Variants in SSPN observed in about 807,000 individuals in gnomAD.
The protein encoded by SSPN is sarcospan.
A neutral mutation model predicts 19.1 loss-of-function variants in SSPN; 15 were observed. That is an observed-to-expected ratio of 0.78 (90% CI 0.52 to 1.21). SSPN has a LOEUF of 1.21. SSPN is among the 50% of genes most tolerant of loss of function. The probability of loss-of-function intolerance (pLI) is 0.00; values close to 1 mark genes in which losing one functional copy is unlikely to be tolerated. For missense variants in SSPN, 291 were observed against 314.0 expected (o/e 0.93, Z 0.55); for synonymous variants, 147 against 140.3 (o/e 1.05, Z -0.34).
chr12:26,127,944 C>T lies in SSPN; in HGVS notation c.-31+5792C>T, dbSNP rs191191564. On this transcript the variant is annotated intron_variant, in intron 1 of 2. Transcript: ENST00000538142. The stretch of plus-strand genomic sequence containing the variant: ...CCTTTAAGATTAGAGTACCAGACTG[C>T]ATTCAAAGAGCTTTTTATGTATTAA... Among the ~76,000 whole-genome samples, 9 of 152,338 alleles carry T rather than the reference C, an allele frequency of 5.9e-5. No homozygotes were observed. The East Asian group carries it at 1.7e-3, about 29-fold the overall frequency.
intron 1 of SSPN, among the ~76,000 whole-genome samples, chr12:26,201,068 A>C: frequency 8.3e-6 from 1 of 120,356 alleles, no homozygotes; most frequent in Admixed American, 8.6e-5. Flanking sequence ...ATTTGGAAAT[A>C]AAATGGAATA....
intron 2 of SSPN, among the ~76,000 whole-genome samples, chr12:26,230,197 C>T (rs1057490401): frequency 6.6e-6 from 1 of 152,180 alleles, no homozygotes; most frequent in African/African-American, 2.4e-5. Context: ...TACAGTTTGG[C>T]AATCACTACA....
chr12:26,130,347 C>A (rs1476118008), intron 1 of SSPN, among the ~76,000 whole-genome samples: 2 of 152,152 alleles, frequency 1.3e-5, no homozygotes, highest in East Asian at 3.8e-4. Context: ...GGGCTTCATA[C>A]GGTCCTTACA....
At chr12:26,164,021 CA>C (rs1944605639) in intron 1 of SSPN, among the ~76,000 whole-genome samples, 1 of 152,140 alleles carries the variant, frequency 6.6e-6, no homozygotes, top group Non-Finnish European at 1.5e-5. Flanking sequence ...AAATAAAACT[CA>C]GAAGTAGATG....
intron 1 of SSPN, among the ~76,000 whole-genome samples, chr12:26,155,310 A>G (rs1486072726): frequency 6.6e-6 from 1 of 152,252 alleles, no homozygotes; most frequent in Non-Finnish European, 1.5e-5. Flanking sequence ...TGAAAATTAA[A>G]GAAGAAACAA....
intron 1 of SSPN, among the ~76,000 whole-genome samples, chr12:26,223,793 A>G (rs930881973): frequency 1.3e-5 from 2 of 152,242 alleles, no homozygotes; most frequent in Non-Finnish European, 2.9e-5. Context: ...GAGCTCTAGC[A>G]TGTAGTAAAT....
intron 1 of SSPN, among the ~76,000 whole-genome samples, chr12:26,165,112 T>A (rs1186491358): frequency 6.6e-6 from 1 of 152,246 alleles, no homozygotes; most frequent in African/African-American, 2.4e-5. Context: ...CTAGTATTTT[T>A]AATCGAAAAA....
intron 1 of SSPN, among the ~76,000 whole-genome samples, chr12:26,141,618 G>C (rs966710128): frequency 6.6e-6 from 1 of 152,036 alleles, no homozygotes; most frequent in Non-Finnish European, 1.5e-5. Context: ...ACCACCACCT[G>C]GTCACTTTTT....
intron 1 of SSPN, among the ~76,000 whole-genome samples, chr12:26,146,771 C>T (rs889694369): frequency 3.5e-5 from 5 of 142,990 alleles, no homozygotes; most frequent in South Asian, 2.2e-4. Flanking sequence ...TGCAGTTAGC[C>T]GAGATGGGCC....
At chr12:26,182,950 G>C (rs1944729586) in intron 1 of SSPN, among the ~76,000 whole-genome samples, 2 of 151,824 alleles carry the variant, frequency 1.3e-5, no homozygotes, top group South Asian at 4.2e-4. Context: ...TTTTTTAGTA[G>C]AGACAGAATT....
At chr12:26,124,516 T>TA (rs778373557) in intron 1 of SSPN, 2 of 1,613,842 alleles carry the variant, frequency 1.2e-6, no homozygotes, top group Non-Finnish European at 1.7e-6. Flanking sequence ...AACTTACACT[T>TA]ACCTTGGTGT....
chr12:26,225,148 G>GT (rs1945164245), intron 2 of SSPN, among the ~76,000 whole-genome samples: 1 of 150,302 alleles, frequency 6.7e-6, no homozygotes, highest in South Asian at 2.1e-4. Context: ...CACTAACATT[G>GT]TTTTTTCTTC....
At chr12:26,131,741 A>G (rs1944398316) in intron 1 of SSPN, among the ~76,000 whole-genome samples, 1 of 152,226 alleles carries the variant, frequency 6.6e-6, no homozygotes, top group African/African-American at 2.4e-5. Context: ...TACTATGGAC[A>G]GGTATTAAGG....
intron 2 of SSPN, among the ~76,000 whole-genome samples, chr12:26,224,916 G>T (rs1358582615): frequency 2.6e-5 from 4 of 152,016 alleles, no homozygotes; most frequent in Non-Finnish European, 5.9e-5. Flanking sequence ...TTTTCTGTTA[G>T]GGACAGTGCA....
intron 1 of SSPN, among the ~76,000 whole-genome samples, chr12:26,137,774 C>T (rs747879974): frequency 1.5e-4 from 22 of 147,640 alleles, no homozygotes; most frequent in Admixed American, 4.1e-4. Context: ...AAGCGATTCT[C>T]CTACCTCAGC....
intron 1 of SSPN, among the ~76,000 whole-genome samples, chr12:26,130,929 A>G (rs1257437815): frequency 1.3e-5 from 2 of 150,568 alleles, no homozygotes; most frequent in Admixed American, 1.3e-4. Context: ...CACCCATCTC[A>G]TTGTCCAATC....
At chr12:26,230,022 C>CTT (rs374048895) in intron 2 of SSPN, among the ~76,000 whole-genome samples, 11,701 of 152,164 alleles carry the variant, frequency 0.077, 826 homozygotes, top group African/African-American at 0.19. Flanking sequence ...ACCTTGGTGA[C>CTT]TGAGGAACCA....
At chr12:26,225,827 G>A (rs1228305626) in intron 2 of SSPN, among the ~76,000 whole-genome samples, 1 of 148,782 alleles carries the variant, frequency 6.7e-6, no homozygotes, top group Non-Finnish European at 1.5e-5. Flanking sequence ...AGTAGCTGAA[G>A]AACACCCCAA....
chr12:26,173,434 T>C (rs114238638), intron 1 of SSPN, among the ~76,000 whole-genome samples: 1,931 of 152,296 alleles, frequency 0.013, 37 homozygotes, highest in African/African-American at 0.043. Context: ...GGTGCATCCC[T>C]ACTCTGGAGC....
Sources: allele counts gnomAD v4.1 joint callset (sites outside exome capture counted in the v4.1 genomes callset), GRCh38; gene constraint gnomAD v4.1.1; transcripts MANE v1.5; gene names NCBI Gene and HGNC (gene_info 2026-07-23, HGNC 2026-07-21).